The following FBF1 variants were observed in gnomAD, a reference collection of about 807,000 sequenced individuals.
FBF1 encodes the protein Fas binding factor 1.
Under a neutral mutation model 147.2 loss-of-function variants are expected in FBF1, and 119 were observed. The ratio of observed to expected loss-of-function variants is 0.81; its 90% confidence interval spans 0.70 to 0.94. The LOEUF (loss-of-function observed/expected upper bound fraction) is 0.94. Ranked by LOEUF, FBF1 falls within the 40% of genes least tolerant of loss-of-function variation. The pLI is 0.00. For missense variants in FBF1, 1,449 were observed against 1,500.8 expected (o/e 0.97, Z 0.57); for synonymous variants, 601 against 609.0 (o/e 0.99, Z 0.19).
intron 7 of FBF1, 88 bp downstream of exon 7, chr17:75,929,909 T>G (rs574043474): frequency 4.3e-6 from 5 of 1,169,026 alleles, no homozygotes; most frequent in Non-Finnish European, 6.2e-6. Flanking sequence ...AGGGAGAAAT[T>G]AGAAGGAGAA....
chr17:75,927,642 G>T, intron 8 of FBF1, 110 bp from the exon 9 acceptor site: 1 of 917,954 alleles, frequency 1.1e-6, no homozygotes, highest in Non-Finnish European at 1.7e-6. Context: ...TTCCTGGGAA[G>T]CTGGGGGCTC....
At position 75,917,943 on chromosome 17, in the gene FBF1, C is replaced by T. The variant is rs200931077; in HGVS notation, c.2374G>A (p.Glu792Lys). ...ERELGIRQRD[E>K]QLRALQERLG... ...GGGGAGGGCGTACCCCGCAGCTGCT[C>T]GTCACGCTGCCGGATCCCCAGCTCC... The change falls in exon 22 of 30, where the codon GAG becomes AAG. Residue 792 changes from glutamate to lysine, a missense_variant. Coordinates refer to ENST00000636174, the MANE Select transcript of FBF1 (RefSeq NM_001319193.2). 3,122 of 1,601,282 alleles carry T rather than the reference C, an allele frequency of 1.9e-3. 38 individuals are homozygous for T. The South Asian group carries it at 0.023, about 12-fold the overall frequency.
intron 4 of FBF1, among the ~76,000 whole-genome samples, chr17:75,934,604 G>A (rs566641845): frequency 1.1e-4 from 16 of 150,766 alleles, no homozygotes; most frequent in African/African-American, 1.7e-4. Flanking sequence ...CTGGCCGGGC[G>A]CGGTGGCTCA....
At position 75,910,517 on chromosome 17, in the gene FBF1, C is replaced by G. The variant is rs2065450513; in HGVS notation, c.*206G>C. ...GGCAGCCAAAGCCATGGTAAGATAGCCTACACCACAGAGCCCCAGAGGCAG... is the reference window on the plus strand; with the variant it reads ...GGCAGCCAAAGCCATGGTAAGATAGGCTACACCACAGAGCCCCAGAGGCAG... On this transcript the variant is annotated 3_prime_UTR_variant, in exon 30 of 30. Transcript: ENST00000636174. This position sits in a 1 kb window ranked among gnomAD's most constrained non-coding sequence, Gnocchi z 4.1. The G allele has an allele frequency of 7.1e-6, 4 of 564,454 alleles. No individual in the cohort carries two copies. The highest frequency in any genetic ancestry group is 1.3e-5 in the Non-Finnish European group (4 of 316,588). The allele number at this position is 564,454 out of a possible 1,614,324, so 35.0% of individuals were successfully genotyped here.
At chr17:75,935,750 G>T in intron 3 of FBF1, 77 bp from the exon 4 acceptor site, 2 of 1,384,570 alleles carry the variant, frequency 1.4e-6, no homozygotes, top group East Asian at 2.5e-5. Context: ...CTTGAGACTC[G>T]CCAGAAGGCG....
intron 8 of FBF1, 143 bp downstream of exon 8, chr17:75,927,933 A>G: frequency 1.5e-6 from 1 of 665,320 alleles, no homozygotes. Context: ...ACACGCACAA[A>G]TGCTCCTTGG....
chr17:75,940,648 TC>T (rs1252726835), intron 1 of FBF1, 199 bp downstream of exon 1: 2 of 153,854 alleles, frequency 1.3e-5, no homozygotes, highest in African/African-American at 4.8e-5. Context: ...CTCCTATCGA[TC>T]CTGTACGGGC....
chr17:75,914,226 C>A lies in FBF1; in HGVS notation c.2887G>T (p.Ala963Ser). The A allele has an allele frequency of 6.3e-7, 1 of 1,593,130 alleles. No homozygotes were observed. The highest frequency in any genetic ancestry group is 1.1e-5 in the South Asian group (1 of 87,574). Residue 963 changes from alanine (A) to serine (S), a missense_variant, in exon 26 of 30, where the codon GCC becomes TCC. Ala to Ser is a moderately conservative substitution (Grantham distance 99). Transcript: ENST00000636174. Reference protein sequence around the residue: ...EEKQLAAERAALEQERQELRL... With the variant: ...EEKQLAAERASLEQERQELRL... ...AGCTCCTGCCGCTCCTGCTCCAGGGCTGCTCTCTCCGCTGCCAGCTGCTTC... is the reference window on the plus strand; with the variant it reads ...AGCTCCTGCCGCTCCTGCTCCAGGGATGCTCTCTCCGCTGCCAGCTGCTTC...
chr17:75,914,705 G>A, intron 25 of FBF1, 42 bp downstream of exon 25: 1 of 1,482,344 alleles, frequency 6.7e-7, no homozygotes, highest in South Asian at 1.3e-5. Flanking sequence ...AGGGGCGCAG[G>A]CAACCCTGGG....
chr17:75,931,350 GGGA>G (rs2065593660), intron 5 of FBF1, 61 bp from the exon 6 acceptor site: 7 of 1,461,976 alleles, frequency 4.8e-6, no homozygotes, highest in Non-Finnish European at 6.6e-6. Flanking sequence ...CTCTAAAAAG[GGGA>G]GGAGTAGCTT....
intron 23 of FBF1, among the ~76,000 whole-genome samples, chr17:75,916,007 CAAAAAAAA>C (rs35055735): frequency 6.1e-5 from 4 of 65,472 alleles, no homozygotes; most frequent in East Asian, 5.3e-4. Flanking sequence ...GACTCTGACT[CAAAAAAAA>C]AAAAAAAAAA....
intron 25 of FBF1, 73 bp from the exon 26 acceptor site, chr17:75,914,371 C>A (rs1384008158): frequency 1.3e-6 from 2 of 1,490,706 alleles, no homozygotes; most frequent in East Asian, 5.0e-5. Context: ...ACTCTAGGGT[C>A]CCCTCTGCCC....
Position 75,913,743 on chromosome 17 carries a change from AGAC to A in FBF1, c.3203_3205del (p.Gly1068_Leu1069delinsVal), listed in dbSNP as rs2065469352. Reference sequence around the variant, plus strand: ...TGCAGGGCCCTGGGCCCTGGGGAACAGACCCACGAGGCTAGAGGGCAGGTCCTG... The same window carrying A: ...TGCAGGGCCCTGGGCCCTGGGGAACACCACGAGGCTAGAGGGCAGGTCCTG... On this transcript the variant is annotated inframe_deletion, in exon 28 of 30. Transcript: ENST00000636174. 6.2e-7 allele frequency: 1 copy of A among 1,602,182 alleles called. No individual in the cohort carries two copies. The highest frequency in any genetic ancestry group is 1.1e-5 in the South Asian group (1 of 90,720).
At chr17:75,932,743 A>T (rs1466239062) in intron 5 of FBF1, among the ~76,000 whole-genome samples, 1 of 151,984 alleles carries the variant, frequency 6.6e-6, no homozygotes, top group Non-Finnish European at 1.5e-5. Context: ...AAAATTAGCC[A>T]GGTGTGGTGG....
rs1237812944 is a variant in FBF1 at position 75,918,053 on chromosome 17, A to T, written c.2264T>A (p.Ile755Asn). 3 of 1,610,630 alleles carry T rather than the reference A, an allele frequency of 1.9e-6. No homozygotes were observed. The African/African-American group carries it at 4.0e-5, about 22-fold the overall frequency. ...GCTGGAGAACTTCTCCATCTGGTGG[A>T]TGATGCTATTCAGGGACCTGGAAGA... ...TSHTRSLNSI[I>N]HQMEKFSSSL... The change falls in exon 22 of 30, where the codon ATC becomes AAC. Residue 755 changes from isoleucine (I) to asparagine (N), a missense_variant. Physicochemically the swap from Ile to Asn is moderately radical, Grantham distance 149 (BLOSUM62 -3). Transcript: ENST00000636174. This position sits in a 1 kb window ranked among gnomAD's most constrained non-coding sequence, Gnocchi z 5.8.
rs942219489 is a variant in FBF1, at chr17:75,925,280, G to T, written c.968+67C>A. 2.4e-6 allele frequency: 3 copies of T among 1,263,224 alleles called. No individual in the cohort carries two copies. Among genetic ancestry groups the T allele is most frequent in the Non-Finnish European group, 3.4e-6 (3 of 891,660 alleles). The allele number at this position is 1,263,224 out of a possible 1,614,324, so 78.3% of individuals were successfully genotyped here. On this transcript the variant is annotated intron_variant, in intron 13 of 29. Transcript: ENST00000636174. The surrounding 1 kb of genome is among the most constrained non-coding windows in gnomAD (Gnocchi z 5.0). ...CTCTCGGGTGGGACAGGGGACAGCT[G>T]CAGGGGCCTGTCTTCCCAGTGGCCG...
rs372301359 is a variant in FBF1 at position 75,928,689 on chromosome 17, T to TC, written c.280-497dup. ...TGGGTGTGGTGGTGCACGCCTGTAA[T>TC]CCCAGCTACTTGGGAGGCTGAGGTA... On this transcript the variant is annotated intron_variant, in intron 7 of 29. Transcript: ENST00000636174. The surrounding 1 kb of genome is among the most constrained non-coding windows in gnomAD (Gnocchi z 4.2). 1.0e-2 allele frequency among the ~76,000 whole-genome samples: 1,513 copies of TC among 152,008 alleles called. 17 individuals carry two copies. Among genetic ancestry groups the TC allele is most frequent in the African/African-American group, 0.034 (1,421 of 41,442 alleles).
At chr17:75,932,584 A>G (rs1003631111) in intron 5 of FBF1, among the ~76,000 whole-genome samples, 3 of 151,912 alleles carry the variant, frequency 2.0e-5, no homozygotes, top group African/African-American at 7.3e-5. Context: ...GTCTTCACTA[A>G]AAATACCAAA....
chr17:75,918,327 A>G lies in FBF1; in HGVS notation c.2139-58T>C. ...CTGAGCTGGATCACCCTGATGCGGT[A>G]ACTCCTTGTGGAAGGGTGTGTTTCC... On this transcript the variant is annotated intron_variant, in intron 20 of 29. Transcript: ENST00000636174. The surrounding 1 kb of genome is among the most constrained non-coding windows in gnomAD (Gnocchi z 5.8). The G allele has an allele frequency of 1.4e-6, 2 of 1,438,196 alleles. No homozygotes were observed. Among genetic ancestry groups the G allele is most frequent in the Non-Finnish European group, 9.6e-7 (1 of 1,039,362 alleles). 89.1% of individuals were successfully genotyped at this position (1,438,196 alleles called of 1,614,324 possible).
Sources: allele counts gnomAD v4.1 joint callset (sites outside exome capture counted in the v4.1 genomes callset), GRCh38; gene constraint gnomAD v4.1.1; non-coding constraint Gnocchi (gnomAD v3.1); transcripts MANE v1.5; gene names NCBI Gene and HGNC (gene_info 2026-07-23, HGNC 2026-07-21).